SIPA1L1: variants seen among roughly 807,000 people sequenced by gnomAD.
SIPA1L1 encodes the protein signal induced proliferation associated 1 like 1.
A neutral mutation model predicts 162.7 loss-of-function variants in SIPA1L1; 26 were observed. That is an observed-to-expected ratio of 0.16 (90% CI 0.12 to 0.22). SIPA1L1 has a LOEUF of 0.22. Ranked by LOEUF, SIPA1L1 falls within the 10% of genes least tolerant of loss-of-function variation. The probability of loss-of-function intolerance (pLI) is 1.00; values close to 1 mark genes in which losing one functional copy is unlikely to be tolerated. For synonymous variants in SIPA1L1, 829 were observed against 837.4 expected, an observed-to-expected ratio of 0.99 and a Z score of 0.17; for missense variants, 1,874 against 2,241.0, an observed-to-expected ratio of 0.84 and a Z score of 3.31.
intron 7 of SIPA1L1, among the ~76,000 whole-genome samples, chr14:71,647,667 A>T (rs549223994): frequency 5.3e-5 from 8 of 152,276 alleles, no homozygotes; most frequent in Non-Finnish European, 8.8e-5. Context: ...GGTAATGTTC[A>T]GCCCTGGAAT....
At chr14:71,638,677 A>G (rs2148877007) in intron 7 of SIPA1L1, among the ~76,000 whole-genome samples, 1 of 152,368 alleles carries the variant, frequency 6.6e-6, no homozygotes, top group East Asian at 1.9e-4. Flanking sequence ...AAGTAAAAGA[A>G]AAGGCATGTA....
At chr14:71,487,197 A>G (rs985961550) in intron 2 of SIPA1L1, among the ~76,000 whole-genome samples, 3 of 152,040 alleles carry the variant, frequency 2.0e-5, no homozygotes, top group Non-Finnish European at 4.4e-5. Flanking sequence ...CCTTCTTTTC[A>G]CATGCGTGCT....
At chr14:71,415,124 A>G (rs2042667513) in intron 2 of SIPA1L1, among the ~76,000 whole-genome samples, 1 of 152,188 alleles carries the variant, frequency 6.6e-6, no homozygotes, top group Non-Finnish European at 1.5e-5. Flanking sequence ...ACTGCATCCT[A>G]TAACGGATGG....
intron 6 of SIPA1L1, among the ~76,000 whole-genome samples, chr14:71,619,645 C>T (rs1443602232): frequency 1.3e-5 from 2 of 151,952 alleles, no homozygotes; most frequent in Admixed American, 6.6e-5. Context: ...TTTATTGCCT[C>T]TCAGTTGCTA....
At chr14:71,403,176 T>G (rs2140087130) in intron 2 of SIPA1L1, among the ~76,000 whole-genome samples, 1 of 152,358 alleles carries the variant, frequency 6.6e-6, no homozygotes, top group Middle Eastern at 3.4e-3. Flanking sequence ...TTTCATGTAC[T>G]TCTCTGCCTC....
At chr14:71,605,285 A>G (rs180749214) in intron 5 of SIPA1L1, among the ~76,000 whole-genome samples, 1 of 151,404 alleles carries the variant, frequency 6.6e-6, no homozygotes, top group East Asian at 1.9e-4. Flanking sequence ...TCATATTCTG[A>G]TATATTTGTG....
chr14:71,498,187 A>G (rs2049938024), intron 2 of SIPA1L1, among the ~76,000 whole-genome samples: 1 of 152,178 alleles, frequency 6.6e-6, no homozygotes, highest in Non-Finnish European at 1.5e-5. Flanking sequence ...CTTTTCTGAG[A>G]AATCTTATTT....
At position 71,588,905 on chromosome 14, in the gene SIPA1L1, G is replaced by A; in HGVS notation, c.1033G>A (p.Glu345Lys). 3 of 1,614,080 alleles carry A rather than the reference G, an allele frequency of 1.9e-6. No individual in the cohort carries two copies. The highest frequency in any genetic ancestry group is 2.5e-6 in the Non-Finnish European group (3 of 1,179,984). The change falls in exon 5 of 24, where the codon GAG (glutamate) becomes AAG (lysine). Residue 345 changes from glutamate to lysine, a missense_variant. This residue lies in a region of SIPA1L1 where 685 missense variants were observed against 828.0 expected (regional missense o/e 0.83). Transcript: ENST00000381232. The surrounding 1 kb of genome is among the most constrained non-coding windows in gnomAD (Gnocchi z 4.3). ...DVQSILFDLN[E>K]AIMNRHNVIK... ...CCAGAGTATATTATTTGATTTGAAT[G>A]AGGCAATTATGAACAGGCACAATGT...
intron 13 of SIPA1L1, among the ~76,000 whole-genome samples, chr14:71,692,848 C>A (rs971427567): frequency 2.6e-5 from 4 of 152,184 alleles, no homozygotes; most frequent in Non-Finnish European, 5.9e-5. Flanking sequence ...ATTAGTGTGA[C>A]CTGCCTGGAA....
At chr14:71,464,822 T>C (rs1168062941) in intron 2 of SIPA1L1, among the ~76,000 whole-genome samples, 2 of 152,178 alleles carry the variant, frequency 1.3e-5, no homozygotes, top group Admixed American at 1.3e-4. Context: ...TCAAAACAGT[T>C]CTTTTCAAGT....
chr14:71,443,360 C>T (rs2045068744), intron 2 of SIPA1L1, among the ~76,000 whole-genome samples: 1 of 152,076 alleles, frequency 6.6e-6, no homozygotes, highest in African/African-American at 2.4e-5. Context: ...TGGGGCTAAT[C>T]AATACACGAA....
chr14:71,567,005 A>G (rs1224343827), intron 4 of SIPA1L1, among the ~76,000 whole-genome samples: 2 of 152,246 alleles, frequency 1.3e-5, no homozygotes, highest in African/African-American at 2.4e-5. Flanking sequence ...AAAAATGGAC[A>G]GAACATAAGT....
At chr14:71,456,108 T>C (rs549677885) in intron 2 of SIPA1L1, among the ~76,000 whole-genome samples, 1 of 152,342 alleles carries the variant, frequency 6.6e-6, no homozygotes, top group Admixed American at 6.5e-5. Context: ...TTTTTAACAA[T>C]CCTCTGAGAC....
At chr14:71,521,297 G>A (rs765077287) in intron 3 of SIPA1L1, among the ~76,000 whole-genome samples, 13 of 152,162 alleles carry the variant, frequency 8.5e-5, no homozygotes, top group Non-Finnish European at 1.9e-4. Flanking sequence ...ACCCAAAGAA[G>A]CAGGGACATC....
intron 12 of SIPA1L1, among the ~76,000 whole-genome samples, chr14:71,680,094 A>T (rs1057239084): frequency 1.2e-4 from 18 of 152,152 alleles, no homozygotes; most frequent in African/African-American, 4.3e-4. Flanking sequence ...CATCTACAGA[A>T]CTCTTCACCC....
At chr14:71,648,957 A>G (rs1365047489) in intron 7 of SIPA1L1, among the ~76,000 whole-genome samples, 1 of 152,238 alleles carries the variant, frequency 6.6e-6, no homozygotes, top group Admixed American at 6.5e-5. Context: ...AAACAGGGGT[A>G]ATATTTGCCT....
intron 7 of SIPA1L1, among the ~76,000 whole-genome samples, chr14:71,635,927 G>A (rs1003449734): frequency 6.6e-6 from 1 of 152,030 alleles, no homozygotes; most frequent in Non-Finnish European, 1.5e-5. Context: ...GTAATGTCAG[G>A]TAAAGTAAAC....
chr14:71,448,236 G>T (rs1448704477), intron 2 of SIPA1L1, among the ~76,000 whole-genome samples: 1 of 151,968 alleles, frequency 6.6e-6, no homozygotes, highest in African/African-American at 2.4e-5. Context: ...TTTCTTGGTT[G>T]TCTTTCTGGT....
At chr14:71,432,455 G>A (rs1435592178) in intron 2 of SIPA1L1, among the ~76,000 whole-genome samples, 2 of 152,142 alleles carry the variant, frequency 1.3e-5, no homozygotes, top group Non-Finnish European at 2.9e-5. Context: ...TAGAATGGGG[G>A]CCTAACAACC....
Sources: gnomAD v4.1 joint callset for allele counts (sites outside exome capture counted in the v4.1 genomes callset) on GRCh38, gnomAD v4.1.1 for gene constraint, gnomAD v4.1.1 regional missense constraint, Gnocchi (gnomAD v3.1) non-coding constraint, MANE v1.5 for transcripts, NCBI Gene and HGNC (gene_info 2026-07-23, HGNC 2026-07-21) for gene names.